The following PCNX3 variants were observed in gnomAD, a reference collection of about 807,000 sequenced individuals.
PCNX3 encodes pecanex 3, also known as pecanex-like protein 3.
Under a neutral mutation model 207.2 loss-of-function variants are expected in PCNX3, and 58 were observed. The ratio of observed to expected loss-of-function variants is 0.28; its 90% CI spans 0.23 to 0.35. The LOEUF is 0.35. PCNX3 is among the 10% of genes least tolerant of loss of function. The pLI, the probability that PCNX3 is intolerant of heterozygous loss-of-function variation, is 1.00. For synonymous variants in PCNX3, 1,337 were observed against 1,183.5 expected, an observed-to-expected ratio of 1.13 and a Z score of -2.66; for missense variants, 2,410 against 2,774.4, an observed-to-expected ratio of 0.87 and a Z score of 2.95.
rs568824923 is a variant in PCNX3 at position 65,625,346 on chromosome 11, C to A, written c.3030-59C>A. Reference sequence around the variant, plus strand: ...GGGGTTTGTGGTCTGTGCATGTGCCCGTGACTGGGGCCGGGGGGAAGGAGG... The same window carrying A: ...GGGGTTTGTGGTCTGTGCATGTGCCAGTGACTGGGGCCGGGGGGAAGGAGG... On this transcript the variant is annotated intron_variant, in intron 17 of 34. Coordinates refer to ENST00000355703, the MANE Select transcript of PCNX3 (RefSeq NM_032223.4). This position sits in a 1 kb window ranked among gnomAD's most constrained non-coding sequence, Gnocchi z 5.6. 2 of 1,592,946 alleles carry A rather than the reference C, an allele frequency of 1.3e-6. No homozygotes were observed. The highest frequency in any genetic ancestry group is 1.7e-6 in the Non-Finnish European group (2 of 1,170,496).
At position 65,624,508 on chromosome 11, in the gene PCNX3, C is replaced by T. The variant is rs778758000; in HGVS notation, c.2754C>T (p.Gly918=). Residue 918 remains glycine (G), a synonymous_variant, in exon 15 of 35, where the codon GGC becomes GGT. Transcript: ENST00000355703. ...GCTTCCCCTTCGTCTTCCTCCTGGG[C>T]CTCCTGCCCCAGGTCAACACCTGCC... ...TLCFPFVFLL[G]LLPQVNTCLM... The T allele has an allele frequency of 1.2e-6, 2 of 1,608,488 alleles. No homozygotes were observed. The highest frequency in any genetic ancestry group is 1.7e-6 in the Non-Finnish European group (2 of 1,177,506).
At chr11:65,623,799 G>A (rs1438483166) in intron 12 of PCNX3, 130 bp from the exon 13 acceptor site, 9 of 1,520,146 alleles carry the variant, frequency 5.9e-6, no homozygotes, top group Non-Finnish European at 8.1e-6. Context: ...AGAAAACTGA[G>A]GCTCAGGACA....
chr11:65,629,036 C>T (rs1294200063), intron 24 of PCNX3, 88 bp downstream of exon 24: 1 of 1,542,296 alleles, frequency 6.5e-7, no homozygotes, highest in Non-Finnish European at 8.7e-7. Context: ...ACAGAGGGGC[C>T]CACAGCAGGT....
At position 65,618,164 on chromosome 11, in the gene PCNX3, A is replaced by G; in HGVS notation, c.802A>G (p.Ser268Gly). 6.2e-7 allele frequency: 1 copy of G among 1,607,476 alleles called. No individual in the cohort carries two copies. The highest frequency in any genetic ancestry group is 8.5e-7 in the Non-Finnish European group (1 of 1,176,118). ...TGACCGGGCCCTGGTGAGGACCAGC[A>G]GTCGACGGGAACAACGCAGGGGGGC... Reference protein sequence around the residue: ...QPDRALVRTSSRREQRRGAGG... With the variant: ...QPDRALVRTSGRREQRRGAGG... Residue 268 changes from serine (S) to glycine (G), a missense_variant, in exon 6 of 35, where the codon AGT (serine) becomes GGT (glycine). Transcript: ENST00000355703.
chr11:65,616,302 C>T lies in PCNX3; in HGVS notation c.-10C>T. 7 of 1,563,858 alleles carry T rather than the reference C, an allele frequency of 4.5e-6. No individual in the cohort carries two copies. The highest frequency in any genetic ancestry group is 1.2e-5 in the South Asian group (1 of 86,348). ...CCGGGAGGGGGGGCGCGGGCAGCAG[C>T]GGCGGGGCCATGGGGTCGCAGGTGT... On this transcript the variant is annotated 5_prime_UTR_variant, in exon 1 of 35. Transcript: ENST00000355703.
At position 65,636,647 on chromosome 11, in the gene PCNX3, G is replaced by A. The variant is rs781219823; in HGVS notation, c.5850G>A (p.Glu1950=). 6.3e-7 allele frequency: 1 copy of A among 1,584,772 alleles called. No individual in the cohort carries two copies. Residue 1950 remains glutamate (E), a synonymous_variant, in exon 34 of 35, where the codon GAG becomes GAA. Coordinates refer to ENST00000355703, the MANE Select transcript of PCNX3 (RefSeq NM_032223.4). ...AGGGGCTGGGAGGATCTGACGGGGA[G>A]CCAGCCTCAGGGAGCCCCAAAGGAG... ...GRKGLGGSDG[E]PASGSPKGGT...
At chr11:65,619,336 G>C in intron 6 of PCNX3, 3 of 677,084 alleles carry the variant, frequency 4.4e-6, no homozygotes, top group Non-Finnish European at 5.5e-6. Flanking sequence ...CCACCAGTGG[G>C]GTGGGGCAGG....
intron 20 of PCNX3, 159 bp downstream of exon 20, chr11:65,626,213 C>T (rs1045555124): frequency 4.2e-5 from 45 of 1,065,754 alleles, no homozygotes; most frequent in Non-Finnish European, 5.7e-5. Flanking sequence ...TCCGTGTTGC[C>T]CGGCTGCGCT....
At position 65,624,279 on chromosome 11, in the gene PCNX3, T is replaced by C; in HGVS notation, c.2629T>C (p.Ser877Pro). ...CATCTGGCTGCTGGACGCCCTGGGC[T>C]CAGCTCAGCCCTTCCCACCTGTCTC... is the stretch of plus-strand genomic sequence containing the variant. Reference protein sequence around the residue: ...LLIWLLDALGSAQPFPPVSLY... With the variant: ...LLIWLLDALGPAQPFPPVSLY... Residue 877 changes from serine to proline, a missense_variant, in exon 14 of 35, where the codon TCA (serine) becomes CCA (proline). Transcript: ENST00000355703. 1 of 1,596,238 alleles carries C rather than the reference T, an allele frequency of 6.3e-7. No homozygotes were observed.
In PCNX3 at chr11:65,625,546, G is replaced by A; in HGVS notation, c.3135+36G>A. 6.4e-7 allele frequency: 1 copy of A among 1,572,564 alleles called. No individual in the cohort carries two copies. Among genetic ancestry groups the A allele is most frequent in the Non-Finnish European group, 8.6e-7 (1 of 1,160,506 alleles). On this transcript the variant is annotated intron_variant, in intron 18 of 34. Transcript: ENST00000355703. This position sits in a 1 kb window ranked among gnomAD's most constrained non-coding sequence, Gnocchi z 5.6. ...GGGGGGTGGGGGTCTGTGGGGAGGT[G>A]GTGACAGGTCCTGGGGTTCCTGGGA... is the stretch of plus-strand genomic sequence containing the variant.
chr11:65,628,768 G>GGGGGGGGC, intron 23 of PCNX3, 51 bp from the exon 24 acceptor site: 5 of 1,592,454 alleles, frequency 3.1e-6, no homozygotes, highest in East Asian at 4.5e-5. Flanking sequence ...GTGGGGGGTG[G>GGGGGGGGC]TGGGGGGCTG....
rs1301965378 is a variant in PCNX3 at position 65,624,245 on chromosome 11, C to T, written c.2595C>T (p.Cys865=). 1.9e-6 allele frequency: 3 copies of T among 1,607,600 alleles called. No homozygotes were observed. The highest frequency in any genetic ancestry group is 2.5e-6 in the Non-Finnish European group (3 of 1,177,200). Residue 865 remains cysteine, a synonymous_variant, in exon 14 of 35, where the codon TGC becomes TGT. Transcript: ENST00000355703. The stretch of plus-strand genomic sequence containing the variant: ...GCCGTCCTGTCTACTTCTGCATCTG[C>T]TGTCTGCTCATCTGGCTGCTGGACG... ...AYSRPVYFCI[C]CLLIWLLDAL... is the part of the protein sequence containing the mutation.
chr11:65,618,067 T>A lies in PCNX3; in HGVS notation c.705T>A (p.Thr235=). The change falls in exon 6 of 35, where the codon ACT becomes ACA. Residue 235 remains threonine, a synonymous_variant. Coordinates refer to ENST00000355703, the MANE Select transcript of PCNX3 (RefSeq NM_032223.4). The part of the protein sequence containing the change: ...APWSGSSMAD[T]PMSPLLKGSL... ...GGAGTGGGAGCAGCATGGCTGACAC[T>A]CCCATGAGCCCCCTGCTGAAGGGGA... 6.2e-7 allele frequency: 1 copy of A among 1,607,384 alleles called. No individual in the cohort carries two copies.
At chr11:65,631,139 G>C (rs906108632) in intron 27 of PCNX3, among the ~76,000 whole-genome samples, 3 of 152,176 alleles carry the variant, frequency 2.0e-5, no homozygotes, top group African/African-American at 7.2e-5. Flanking sequence ...TTGAACCCAG[G>C]CTGGCCCTGA....
Position 65,615,821 on chromosome 11 carries a change from C to T in PCNX3, c.-491C>T, listed in dbSNP as rs976810915. ...GCGGTTCGCGGCTCCTTCTTCCGGC[C>T]TCCTCCTTAGGCCGGCACCAGCAGA... On this transcript the variant is annotated 5_prime_UTR_variant, in exon 1 of 35. Transcript: ENST00000355703. 1 of 151,498 alleles carries T rather than the reference C, an allele frequency of 6.6e-6. No individual in the cohort carries two copies. The highest frequency in any genetic ancestry group is 6.7e-5 in the Admixed American group (1 of 14,902). The allele number at this position is 151,498 out of a possible 1,614,324, so 9.4% of individuals were successfully genotyped here.
chr11:65,628,377 T>G (rs1174659945), intron 22 of PCNX3, among the ~76,000 whole-genome samples: 1 of 152,200 alleles, frequency 6.6e-6, no homozygotes, highest in East Asian at 1.9e-4. Context: ...TTGTGTGAAC[T>G]AAATGGCCAC....
chr11:65,617,869 A>G, intron 5 of PCNX3, 71 bp from the exon 6 acceptor site: 1 of 1,467,474 alleles, frequency 6.8e-7, no homozygotes, highest in East Asian at 2.5e-5. Context: ...AGGGCATAAG[A>G]CCTCCCTTAA....
At position 65,618,388 on chromosome 11, in the gene PCNX3, G is replaced by C; in HGVS notation, c.1026G>C (p.Glu342Asp). The C allele has an allele frequency of 6.2e-7, 1 of 1,612,776 alleles. No individual in the cohort carries two copies. Among genetic ancestry groups the C allele is most frequent in the Non-Finnish European group, 8.5e-7 (1 of 1,179,842 alleles). The change falls in exon 6 of 35, where the codon GAG (glutamate) becomes GAC (aspartate). Residue 342 changes from glutamate to aspartate, a missense_variant. By Grantham distance (45) the Glu-to-Asp change is conservative. Transcript: ENST00000355703. ...GCAGCGACACAGACCCACCCTCTGA[G>C]GCTGAGCTGCCTGCCTCACCAGACG... Reference protein sequence around the residue: ...PEGSDTDPPSEAELPASPDAG... With the variant: ...PEGSDTDPPSDAELPASPDAG...
intron 15 of PCNX3, 67 bp from the exon 16 acceptor site, chr11:65,624,858 G>T: frequency 1.4e-6 from 2 of 1,465,420 alleles, no homozygotes; most frequent in Non-Finnish European, 1.9e-6. Flanking sequence ...TTGAGGGGAA[G>T]CGCGGCTAGG....
Sources: allele counts gnomAD v4.1 joint callset (sites outside exome capture counted in the v4.1 genomes callset), GRCh38; gene constraint gnomAD v4.1.1; non-coding constraint Gnocchi (gnomAD v3.1); transcripts MANE v1.5; gene names NCBI Gene and HGNC (gene_info 2026-07-23, HGNC 2026-07-21).